Variants in GPC4 observed in about 807,000 individuals in gnomAD.
The protein encoded by GPC4 is glypican-4.
Under a neutral mutation model 35.0 loss-of-function variants are expected in GPC4, and 10 were observed. The ratio of observed to expected loss-of-function variants is 0.29; its 90% CI spans 0.18 to 0.48. GPC4 has a LOEUF of 0.48. Among genes scored for constraint, GPC4 ranks in the 20% least tolerant of loss-of-function variants. The pLI is 0.99. For missense variants in GPC4, 322 were observed against 451.3 expected (o/e 0.71, Z 2.60); for synonymous variants, 167 against 170.2 (o/e 0.98, Z 0.15).
intron 1 of GPC4, among the ~76,000 whole-genome samples, chrX:133,413,728 G>C (rs1350987469): frequency 8.9e-6 from 1 of 111,965 alleles, no homozygotes; most frequent in African/African-American, 3.2e-5. Context: ...AGGGCGAACG[G>C]GCTACCTGCG....
intron 3 of GPC4, among the ~76,000 whole-genome samples, chrX:133,322,907 T>C (rs183710629): frequency 2.7e-5 from 3 of 111,890 alleles, no homozygotes; most frequent in African/African-American, 9.7e-5. Flanking sequence ...TATATTTATG[T>C]TTCTTCCCTG....
At chrX:133,386,982 C>T (rs1476910727) in intron 1 of GPC4, among the ~76,000 whole-genome samples, 1 of 111,437 alleles carries the variant, frequency 9.0e-6, no homozygotes, top group Non-Finnish European at 1.9e-5. Context: ...CAGGAAGTTT[C>T]ATGCGACCTG....
chrX:133,319,798 G>A (rs750045102), intron 3 of GPC4, among the ~76,000 whole-genome samples: 36 of 111,396 alleles, frequency 3.2e-4, no homozygotes, highest in African/African-American at 1.0e-3. Flanking sequence ...GTTTTTGATA[G>A]CCAGATCCTT....
At chrX:133,350,797 T>C (rs1345337732) in intron 1 of GPC4, among the ~76,000 whole-genome samples, 1 of 111,881 alleles carries the variant, frequency 8.9e-6, no homozygotes, top group Non-Finnish European at 1.9e-5. Flanking sequence ...GATATGGACA[T>C]GAGCCACAGT....
At chrX:133,324,627 G>A in intron 2 of GPC4, 91 bp from the exon 3 acceptor site, 1 of 882,888 alleles carries the variant, frequency 1.1e-6, no homozygotes, top group Non-Finnish European at 1.5e-6. Flanking sequence ...TTTGAAAACT[G>A]GAAAAAAAAC....
chrX:133,369,765 T>C lies in GPC4; in HGVS notation c.161-30424A>G, dbSNP rs186619089. Among the ~76,000 whole-genome samples, 14 of 111,714 alleles carry C rather than the reference T, an allele frequency of 1.3e-4. No homozygotes were observed. In the East Asian group the frequency reaches 2.8e-3, roughly 22 times the overall value. The stretch of plus-strand genomic sequence containing the variant: ...AAGAGGTTGAGAATTGGAGTTTAAA[T>C]AAATCATTTTCATCAGAAAATTGTT... On this transcript the variant is annotated intron_variant, in intron 1 of 8. Coordinates refer to ENST00000370828, the MANE Select transcript of GPC4 (RefSeq NM_001448.3).
At chrX:133,344,159 CTTTCTTTCTTTAT>C (rs1403200034) in intron 1 of GPC4, among the ~76,000 whole-genome samples, 2 of 78,858 alleles carry the variant, frequency 2.5e-5, no homozygotes, top group Non-Finnish European at 5.4e-5. Flanking sequence ...TTTTCTCTTT[CTTTCTTTCTTTAT>C]TTTCTTTCTT....
At position 133,304,707 on chromosome X, in the gene GPC4, C is replaced by A. The variant is rs2068283336; in HGVS notation, c.1292+18G>T. The A allele has an allele frequency of 1.7e-6, 2 of 1,207,910 alleles. No homozygotes were observed. The highest frequency in any genetic ancestry group is 2.2e-6 in the Non-Finnish European group (2 of 893,723). On this transcript the variant is annotated intron_variant, in intron 7 of 8. Coordinates refer to ENST00000370828, the MANE Select transcript of GPC4 (RefSeq NM_001448.3). ...TCTAGGAAGGGAGAAACTTCAAATT[C>A]ATTCAACAGACACTAACCTGCTTTT... is the stretch of plus-strand genomic sequence containing the variant.
At position 133,339,211 on chromosome X, in the gene GPC4, G is replaced by T. The variant is rs1356255401; in HGVS notation, c.291C>A (p.Val97=). The T allele has an allele frequency of 8.3e-7, 1 of 1,211,423 alleles. No individual in the cohort carries two copies. The highest frequency in any genetic ancestry group is 1.1e-6 in the Non-Finnish European group (1 of 895,370). The change falls in exon 2 of 9, where the codon GTC becomes GTA. Residue 97 remains valine (V), a synonymous_variant. Transcript: ENST00000370828. ...VSEQCNHLQA[V]FASRYKKFDE... ...CAAACTTCTTGTAACGTGAAGCAAA[G>T]ACAGCTTGCAAATGATTGCACTGTT...
chrX:133,395,700 A>G (rs6634930), intron 1 of GPC4, among the ~76,000 whole-genome samples: 45,896 of 110,336 alleles, frequency 0.42, 7,945 homozygotes, highest in African/African-American at 0.65. Context: ...AGGCCCTGCT[A>G]GACTTTTTGT....
At chrX:133,344,426 T>C (rs1174776700) in intron 1 of GPC4, among the ~76,000 whole-genome samples, 2 of 107,876 alleles carry the variant, frequency 1.9e-5, no homozygotes, top group Non-Finnish European at 3.8e-5. Context: ...GGTTTCTCCC[T>C]GTTGGTCAGG....
At chrX:133,358,422 ATT>A (rs1320167955) in intron 1 of GPC4, among the ~76,000 whole-genome samples, 1 of 112,446 alleles carries the variant, frequency 8.9e-6, no homozygotes, top group Non-Finnish European at 1.9e-5. Context: ...TTACAAAAAT[ATT>A]GTGTGCCCAG....
At chrX:133,330,960 G>A (rs3831667) in intron 2 of GPC4, among the ~76,000 whole-genome samples, 3,476 of 53,235 alleles carry the variant, frequency 0.065, 151 homozygotes, top group African/African-American at 0.39. Flanking sequence ...ACAAACAAAC[G>A]AACAAACAAA....
rs866106159 is a variant in GPC4, at chrX:133,302,564, A to G, written c.*303T>C. On this transcript the variant is annotated 3_prime_UTR_variant, in exon 9 of 9. Transcript: ENST00000370828. Reference sequence around the variant, plus strand: ...AAACCCACAAACGAAATGAGAAAAAAACATACAAACAAATAATAGAGTGAT... The same window carrying G: ...AAACCCACAAACGAAATGAGAAAAAGACATACAAACAAATAATAGAGTGAT... 9.1e-6 allele frequency: 2 copies of G among 220,565 alleles called. No homozygotes were observed. The highest frequency in any genetic ancestry group is 1.4e-3 in the Middle Eastern group (1 of 719). 18.2% of individuals were successfully genotyped at this position (220,565 alleles called of 1,213,427 possible).
At position 133,414,975 on chromosome X, in the gene GPC4, C is replaced by G; in HGVS notation, c.-10G>C. ...AGCCGAACCGTGCCATGGTGCGGGC[C>G]GGGGCGGACGCGTTCCCACCTTTGG... On this transcript the variant is annotated 5_prime_UTR_variant, in exon 1 of 9. Transcript: ENST00000370828. The G allele has an allele frequency of 8.3e-7, 1 of 1,205,469 alleles. No individual in the cohort carries two copies.
intron 1 of GPC4, among the ~76,000 whole-genome samples, chrX:133,391,402 C>T (rs1376654374): frequency 2.7e-5 from 3 of 112,118 alleles, no homozygotes; most frequent in Non-Finnish European, 5.6e-5. Flanking sequence ...CAAGAGGCCA[C>T]TTGTAAACCA....
chrX:133,374,025 TAGACTG>T (rs1382095148), intron 1 of GPC4, among the ~76,000 whole-genome samples: 1 of 111,015 alleles, frequency 9.0e-6, no homozygotes, highest in Non-Finnish European at 1.9e-5. Flanking sequence ...ATGTTCTAAA[TAGACTG>T]AGGTAATGGT....
intron 1 of GPC4, among the ~76,000 whole-genome samples, chrX:133,402,654 A>G (rs1208408514): frequency 1.8e-5 from 2 of 111,811 alleles, no homozygotes; most frequent in African/African-American, 6.5e-5. Context: ...CTGTAATCCC[A>G]GCACTTTGGG....
At chrX:133,364,518 A>T (rs1161283759) in intron 1 of GPC4, among the ~76,000 whole-genome samples, 1 of 112,208 alleles carries the variant, frequency 8.9e-6, no homozygotes, top group East Asian at 2.8e-4. Context: ...AAAACAAAAC[A>T]AACTCCAAAA....
Sources: gnomAD v4.1 joint callset for allele counts (sites outside exome capture counted in the v4.1 genomes callset) on GRCh38, gnomAD v4.1.1 for gene constraint, MANE v1.5 for transcripts, NCBI Gene and HGNC (gene_info 2026-07-23, HGNC 2026-07-21) for gene names.